SLC25A24: variants seen among roughly 807,000 people sequenced by gnomAD.
SLC25A24 encodes mitochondrial adenyl nucleotide antiporter SLC25A24.
SLC25A24 carries 49 observed loss-of-function variants against 60.7 expected under a neutral mutation model. The observed-to-expected ratio is 0.81, with a 90% CI of 0.64 to 1.02. The LOEUF is 1.02. Among genes scored for constraint, SLC25A24 ranks in the 50% least tolerant of loss-of-function variants. SLC25A24 has a pLI of 0.00. For missense variants in SLC25A24, 564 were observed against 586.3 expected (o/e 0.96, Z 0.39); for synonymous variants, 202 against 200.6 (o/e 1.01, Z -0.06).
intron 2 of SLC25A24, among the ~76,000 whole-genome samples, chr1:108,183,067 T>C (rs905863393): frequency 6.6e-6 from 1 of 152,174 alleles, no homozygotes; most frequent in Admixed American, 6.5e-5. Flanking sequence ...CTAAGACTAC[T>C]GTACATGAAA....
chr1:108,151,541 T>A (rs548507879), intron 6 of SLC25A24, among the ~76,000 whole-genome samples: 1 of 152,288 alleles, frequency 6.6e-6, no homozygotes, highest in East Asian at 1.9e-4. Context: ...TCCTATGCCA[T>A]CCCTCTCTCT....
At chr1:108,139,246 C>G in intron 8 of SLC25A24, 38 bp from the exon 9 acceptor site, 7 of 1,555,800 alleles carry the variant, frequency 4.5e-6, no homozygotes, top group Non-Finnish European at 6.1e-6. Context: ...TTAACGAACT[C>G]TACAACTTCA....
chr1:108,139,125 T>C lies in SLC25A24; in HGVS notation c.1182A>G (p.Leu394=). The C allele has an allele frequency of 6.2e-7, 1 of 1,611,286 alleles. No individual in the cohort carries two copies. The highest frequency in any genetic ancestry group is 8.5e-7 in the Non-Finnish European group (1 of 1,178,720). Residue 394 remains leucine, a synonymous_variant, in exon 9 of 10, where the codon TTA becomes TTG. Coordinates refer to ENST00000565488, the MANE Select transcript of SLC25A24 (RefSeq NM_013386.5). ...GVMVLLGCGA[L]SSTCGQLASY... is the part of the protein sequence containing the mutation. ...TGGCCAGCTGACCACAGGTGCTGGA[T>C]AAGGCACCGCATCCCAGCAACACCA...
At chr1:108,149,447 A>G (rs1168581241) in intron 6 of SLC25A24, among the ~76,000 whole-genome samples, 1 of 152,200 alleles carries the variant, frequency 6.6e-6, no homozygotes, top group African/African-American at 2.4e-5. Flanking sequence ...TGATAACAGT[A>G]CTTACCTCAC....
intron 3 of SLC25A24, among the ~76,000 whole-genome samples, chr1:108,177,917 C>A (rs1424287790): frequency 6.6e-6 from 1 of 152,156 alleles, no homozygotes; most frequent in East Asian, 1.9e-4. Flanking sequence ...GTAATCCCAG[C>A]ACTTTGGGAG....
At chr1:108,161,417 C>T (rs1680080266) in intron 3 of SLC25A24, 124 bp from the exon 4 acceptor site, 1 of 631,452 alleles carries the variant, frequency 1.6e-6, no homozygotes, top group Admixed American at 3.2e-5. Flanking sequence ...TTAAAAAACC[C>T]CATCCACAAA....
At chr1:108,198,291 C>T (rs1457285357) in intron 1 of SLC25A24, among the ~76,000 whole-genome samples, 1 of 152,190 alleles carries the variant, frequency 6.6e-6, no homozygotes, top group African/African-American at 2.4e-5. Context: ...TTTACAAAGA[C>T]TGATACCCTG....
chr1:108,155,589 T>C (rs1164944948), intron 5 of SLC25A24, among the ~76,000 whole-genome samples: 1 of 151,972 alleles, frequency 6.6e-6, no homozygotes, highest in Admixed American at 6.6e-5. Context: ...TGTTACTCCC[T>C]CTCCTCAAGA....
chr1:108,148,197 T>C lies in SLC25A24; in HGVS notation c.930+82A>G, dbSNP rs1571281348. On this transcript the variant is annotated intron_variant, in intron 7 of 9. Coordinates refer to ENST00000565488, the MANE Select transcript of SLC25A24 (RefSeq NM_013386.5). ...ATGATAAATGCTTGTTTTAAACTGT[T>C]AATTTTGGGATAACTTGTTAGAGAG... 3 of 870,484 alleles carry C rather than the reference T, an allele frequency of 3.4e-6. No individual in the cohort carries two copies. In the East Asian group the frequency reaches 7.3e-5, roughly 21 times the overall value. 53.9% of individuals were successfully genotyped at this position (870,484 alleles called of 1,614,324 possible).
chr1:108,149,705 G>A (rs1679704872), intron 6 of SLC25A24, among the ~76,000 whole-genome samples: 1 of 152,130 alleles, frequency 6.6e-6, no homozygotes, highest in African/African-American at 2.4e-5. Flanking sequence ...GAGGGACAAG[G>A]GGAAAGTCAA....
chr1:108,140,083 C>T (rs1226441852), intron 8 of SLC25A24, among the ~76,000 whole-genome samples: 4 of 151,970 alleles, frequency 2.6e-5, no homozygotes, highest in African/African-American at 9.7e-5. Flanking sequence ...GTATAAAATA[C>T]ATGTTAATAT....
chr1:108,190,350 G>A (rs535378160), intron 1 of SLC25A24, among the ~76,000 whole-genome samples: 2 of 152,248 alleles, frequency 1.3e-5, no homozygotes, highest in African/African-American at 2.4e-5. Flanking sequence ...GGGGGCTGTC[G>A]GTTATTAATC....
At chr1:108,152,622 G>C (rs1323039382) in intron 6 of SLC25A24, among the ~76,000 whole-genome samples, 2 of 152,206 alleles carry the variant, frequency 1.3e-5, no homozygotes, top group Admixed American at 6.5e-5. Flanking sequence ...GCTGGGATTA[G>C]AGGCGTGAGC....
intron 3 of SLC25A24, among the ~76,000 whole-genome samples, chr1:108,178,954 G>GA (rs1029135618): frequency 2.0e-5 from 3 of 151,530 alleles, no homozygotes; most frequent in African/African-American, 4.8e-5. Context: ...TTCCTGAGAT[G>GA]AAAAAAAATG....
intron 1 of SLC25A24, among the ~76,000 whole-genome samples, chr1:108,186,831 A>T (rs991551691): frequency 1.3e-5 from 2 of 152,058 alleles, no homozygotes; most frequent in Non-Finnish European, 2.9e-5. Context: ...TAATCCCAGC[A>T]CTTTGGGAGG....
chr1:108,162,688 A>T (rs1680122615), intron 3 of SLC25A24, among the ~76,000 whole-genome samples: 1 of 151,824 alleles, frequency 6.6e-6, no homozygotes, highest in Admixed American at 6.6e-5. Flanking sequence ...TAGATTCTGG[A>T]TATTAGCCCT....
rs1419693824 is a variant in SLC25A24 at position 108,157,577 on chromosome 1, G to A, written c.554C>T (p.Thr185Met). 7 of 1,613,890 alleles carry A rather than the reference G, an allele frequency of 4.3e-6. No individual in the cohort carries two copies. The highest frequency in any genetic ancestry group is 1.1e-5 in the South Asian group (1 of 91,052). Residue 185 changes from threonine (T) to methionine (M), a missense_variant, in exon 5 of 10, where the codon ACG becomes ATG. Physicochemically the swap from Thr to Met is moderately conservative, Grantham distance 81. Transcript: ENST00000565488. ...TTGTCCGGATTTTTTTTCGTCTTCC[G>A]TGAATTCATCTGGAATAGTTAAGCT... ...GDSLTIPDEF[T>M]EDEKKSGQWW...
chr1:108,159,719 C>T (rs554281129), intron 4 of SLC25A24, among the ~76,000 whole-genome samples: 4 of 151,622 alleles, frequency 2.6e-5, no homozygotes, highest in Non-Finnish European at 5.9e-5. Context: ...CATCTTGCAC[C>T]GCCCTTAATC....
intron 3 of SLC25A24, among the ~76,000 whole-genome samples, chr1:108,168,044 T>C (rs1177281994): frequency 2.0e-5 from 3 of 152,196 alleles, no homozygotes; most frequent in Non-Finnish European, 2.9e-5. Flanking sequence ...CATTTATTTA[T>C]TGAATTAATG....
Sources: gnomAD v4.1 joint callset for allele counts (sites outside exome capture counted in the v4.1 genomes callset) on GRCh38, gnomAD v4.1.1 for gene constraint, MANE v1.5 for transcripts, NCBI Gene and HGNC (gene_info 2026-07-23, HGNC 2026-07-21) for gene names.